Variants in CDKN2AIP observed in about 807,000 individuals in gnomAD.
The protein encoded by CDKN2AIP is CDKN2A-interacting protein.
Under a neutral mutation model 44.1 loss-of-function variants are expected in CDKN2AIP, and 12 were observed. That is an observed-to-expected ratio of 0.27 (90% CI 0.17 to 0.44). The LOEUF (loss-of-function observed/expected upper bound fraction) is 0.44, where lower values mean the gene tolerates loss of function less well. CDKN2AIP is among the 20% of genes least tolerant of loss of function. The probability of loss-of-function intolerance (pLI) is 1.00; values close to 1 mark genes in which losing one functional copy is unlikely to be tolerated. For missense variants in CDKN2AIP, 705 were observed against 681.6 expected, an observed-to-expected ratio of 1.03 and a Z score of -0.38; for synonymous variants, 291 against 272.1, an observed-to-expected ratio of 1.07 and a Z score of -0.68.
At position 183,445,584 on chromosome 4, in the gene CDKN2AIP, A is replaced by G; in HGVS notation, c.322A>G (p.Lys108Glu). 1 of 1,608,314 alleles carries G rather than the reference A, an allele frequency of 6.2e-7. No homozygotes were observed. The highest frequency in any genetic ancestry group is 8.5e-7 in the Non-Finnish European group (1 of 1,174,688). Residue 108 changes from lysine (K) to glutamate (E), a missense_variant, in exon 2 of 3, where the codon AAA (lysine) becomes GAA (glutamate). Physicochemically the swap from Lys to Glu is moderately conservative, Grantham distance 56. This residue lies in a region of CDKN2AIP where 592 missense variants were observed against 518.0 expected (regional missense o/e 1.14). Transcript: ENST00000504169. ...DKILSMAEGI[K>E]VTDAPTYTTR... ...AATACTTAGTATGGCTGAAGGCATC[A>G]AAGTGACAGATGCTCCAACCTATAC...
chr4:183,445,420 G>A, intron 1 of CDKN2AIP, 115 bp from the exon 2 acceptor site: 6 of 816,590 alleles, frequency 7.3e-6, no homozygotes, highest in South Asian at 1.7e-5. Context: ...AGTTCTTGGC[G>A]GTTGGTTCAC....
In CDKN2AIP at chr4:183,446,446, T is replaced by C; in HGVS notation, c.762T>C (p.Ser254=). 2.5e-6 allele frequency: 4 copies of C among 1,613,920 alleles called. No individual in the cohort carries two copies. In the East Asian group the frequency reaches 8.9e-5, roughly 36 times the overall value. Residue 254 remains serine (S), a synonymous_variant, in exon 3 of 3, where the codon AGT becomes AGC. Transcript: ENST00000504169. ...FVSLLKSSVN[S]HMTQSTDSRQ... is the part of the protein sequence containing the mutation. ...CCTTGCTGAAATCCAGTGTGAATAG[T>C]CACATGACCCAATCCACTGATTCTA...
chr4:183,446,664 C>G lies in CDKN2AIP; in HGVS notation c.980C>G (p.Ala327Gly). 1 of 1,614,104 alleles carries G rather than the reference C, an allele frequency of 6.2e-7. No homozygotes were observed. Among genetic ancestry groups the G allele is most frequent in the Non-Finnish European group, 8.5e-7 (1 of 1,179,918 alleles). ...TTAACTTCCAAAACTAGTTCAGAGG[C>G]AAGTGTTTCATCATCAGTTGCTAAA... The part of the protein sequence containing the change: ...SGLTSKTSSE[A>G]SVSSSVAKNS... The change falls in exon 3 of 3, where the codon GCA (alanine) becomes GGA (glycine). Residue 327 changes from alanine to glycine, a missense_variant. This residue lies in a region of CDKN2AIP where 592 missense variants were observed against 518.0 expected (regional missense o/e 1.14). Coordinates refer to ENST00000504169, the MANE Select transcript of CDKN2AIP (RefSeq NM_017632.4).
rs776091820 is a variant in CDKN2AIP at position 183,445,609 on chromosome 4, C to T, written c.347C>T (p.Thr116Ile). Residue 116 changes from threonine (T) to isoleucine (I), a missense_variant, in exon 2 of 3, where the codon ACA becomes ATA. Physicochemically the swap from Thr to Ile is moderately conservative, Grantham distance 89 (BLOSUM62 -1). This residue lies in a region of CDKN2AIP where 592 missense variants were observed against 518.0 expected (regional missense o/e 1.14). Coordinates refer to ENST00000504169, the MANE Select transcript of CDKN2AIP (RefSeq NM_017632.4). ...GIKVTDAPTY[T>I]TRDELVAKVK... is the part of the protein sequence containing the mutation. Reference sequence around the variant, plus strand: ...AAAGTGACAGATGCTCCAACCTATACAACAAGAGATGAACTGGTTGCCAAG... The same window carrying T: ...AAAGTGACAGATGCTCCAACCTATATAACAAGAGATGAACTGGTTGCCAAG... The T allele has an allele frequency of 6.9e-5, 111 of 1,609,668 alleles. No individual in the cohort carries two copies. Among genetic ancestry groups the T allele is most frequent in the Non-Finnish European group, 9.1e-5 (107 of 1,175,942 alleles).
In CDKN2AIP at chr4:183,444,751, C is replaced by A; in HGVS notation, c.-47C>A. 1 of 1,474,584 alleles carries A rather than the reference C, an allele frequency of 6.8e-7. No homozygotes were observed. The highest frequency in any genetic ancestry group is 9.0e-7 in the Non-Finnish European group (1 of 1,106,006). 91.3% of individuals were successfully genotyped at this position (1,474,584 alleles called of 1,614,324 possible). A position where few individuals can be genotyped will look rare whatever the true frequency, so the allele number is the denominator to read the frequency against. The stretch of plus-strand genomic sequence containing the variant: ...TGACAGGGCCGCTCGCCCCGCTAGT[C>A]CTGCCTGTCTCCCGGTGCAGCTGTG... On this transcript the variant is annotated 5_prime_UTR_variant, in exon 1 of 3. Transcript: ENST00000504169.
Position 183,446,077 on chromosome 4 carries a change from C to T in CDKN2AIP, c.404-11C>T, listed in dbSNP as rs1270962123. ...TTCTTAGTCACATATCTATGTTTTTCTTCTTTTTAGAAGGGGTAGAAGAGC... is the reference window on the plus strand; with the variant it reads ...TTCTTAGTCACATATCTATGTTTTTTTTCTTTTTAGAAGGGGTAGAAGAGC... On this transcript the variant is annotated splice_polypyrimidine_tract_variant and intron_variant, in intron 2 of 2. Coordinates refer to ENST00000504169, the MANE Select transcript of CDKN2AIP (RefSeq NM_017632.4). 5.1e-6 allele frequency: 8 copies of T among 1,574,746 alleles called. No individual in the cohort carries two copies. The highest frequency in any genetic ancestry group is 1.2e-5 in the South Asian group (1 of 84,992).
Position 183,447,499 on chromosome 4 carries a change from C to A in CDKN2AIP, c.*72C>A. 1 of 1,062,500 alleles carries A rather than the reference C, an allele frequency of 9.4e-7. No individual in the cohort carries two copies. Among genetic ancestry groups the A allele is most frequent in the Non-Finnish European group, 1.3e-6 (1 of 746,480 alleles). The allele number at this position is 1,062,500 out of a possible 1,614,324, so 65.8% of individuals were successfully genotyped here. A position where few individuals can be genotyped will look rare whatever the true frequency, so the allele number is the denominator to read the frequency against. ...AAACTGACTTTTGTATAGTATAAAA[C>A]ACAGGCTTTCACAAATTTTGTATTG... On this transcript the variant is annotated 3_prime_UTR_variant, in exon 3 of 3. Transcript: ENST00000504169.
At position 183,446,375 on chromosome 4, in the gene CDKN2AIP, T is replaced by G. The variant is rs375534313; in HGVS notation, c.691T>G (p.Ser231Ala). The change falls in exon 3 of 3, where the codon TCT (serine) becomes GCT (alanine). Residue 231 changes from serine to alanine, a missense_variant. This residue lies in a region of CDKN2AIP where 592 missense variants were observed against 518.0 expected (regional missense o/e 1.14). Transcript: ENST00000504169. ...QVTTAGSGKA[S>A]EAEAPDKHGS... ...AACAACGGCAGGATCTGGGAAAGCT[T>G]CTGAAGCAGAAGCTCCAGATAAACA... The G allele has an allele frequency of 3.7e-6, 6 of 1,610,778 alleles. No homozygotes were observed. The highest frequency in any genetic ancestry group is 1.1e-5 in the South Asian group (1 of 90,916).
chr4:183,445,036 T>C lies in CDKN2AIP; in HGVS notation c.239T>C (p.Met80Thr). 6.3e-7 allele frequency: 1 copy of C among 1,596,594 alleles called. No individual in the cohort carries two copies. The highest frequency in any genetic ancestry group is 8.6e-7 in the Non-Finnish European group (1 of 1,166,922). ...RQLQQLISFSMAWANHVFLGC... is the reference protein window; with the variant it reads ...RQLQQLISFSTAWANHVFLGC... Reference sequence around the variant, plus strand: ...CTGCAGCAGCTCATCTCCTTTTCCATGGCCTGGGCGAACCACGTCTTCCTC... The same window carrying C: ...CTGCAGCAGCTCATCTCCTTTTCCACGGCCTGGGCGAACCACGTCTTCCTC... The change falls in exon 1 of 3, where the codon ATG (methionine) becomes ACG (threonine). Residue 80 changes from methionine to threonine, a missense_variant. Physicochemically the swap from Met to Thr is moderately conservative, Grantham distance 81. Around this residue, in one of 2 missense-constraint regions of CDKN2AIP, gnomAD observed 592 missense variants for 518.0 expected, o/e 1.14. Transcript: ENST00000504169.
Position 183,445,548 on chromosome 4 carries a change from G to C in CDKN2AIP, c.286G>C (p.Val96Leu). Reference sequence around the variant, plus strand: ...CTTCTTTTTCAGATACCCTCAAAAAGTTATGGATAAAATACTTAGTATGGC... The same window carrying C: ...CTTCTTTTTCAGATACCCTCAAAAACTTATGGATAAAATACTTAGTATGGC... ...VFLGCRYPQK[V>L]MDKILSMAEG... The change falls in exon 2 of 3, where the codon GTT (valine) becomes CTT (leucine). Residue 96 changes from valine to leucine, a missense_variant. Physicochemically the swap from Val to Leu is conservative, Grantham distance 32. Transcript: ENST00000504169. The C allele has an allele frequency of 6.2e-7, 1 of 1,611,158 alleles. No individual in the cohort carries two copies. The highest frequency in any genetic ancestry group is 8.5e-7 in the Non-Finnish European group (1 of 1,177,674).
Position 183,444,880 on chromosome 4 carries a change from C to T in CDKN2AIP, c.83C>T (p.Thr28Ile). 6.2e-7 allele frequency: 1 copy of T among 1,602,038 alleles called. No homozygotes were observed. The highest frequency in any genetic ancestry group is 8.5e-7 in the Non-Finnish European group (1 of 1,174,634). Residue 28 changes from threonine (T) to isoleucine (I), a missense_variant, in exon 1 of 3, where the codon ACT becomes ATT. By Grantham distance (89) the Thr-to-Ile change is moderately conservative (BLOSUM62 -1). Transcript: ENST00000504169. ...GAGGCGCTGCGCTGCGACGGCGAGACTGACAAACACTGGCGCCACCGCCGG... is the reference window on the plus strand; with the variant it reads ...GAGGCGCTGCGCTGCGACGGCGAGATTGACAAACACTGGCGCCACCGCCGG... ...WVEALRCDGE[T>I]DKHWRHRRDF...
At position 183,448,153 on chromosome 4, in the gene CDKN2AIP, T is replaced by C. The variant is rs1279135503; in HGVS notation, c.*726T>C. The C allele has an allele frequency of 1.3e-5, 2 of 152,228 alleles. No homozygotes were observed. The highest frequency in any genetic ancestry group is 2.9e-5 in the Non-Finnish European group (2 of 68,020). The allele number at this position is 152,228 out of a possible 1,614,324, so 9.4% of individuals were successfully genotyped here. A position where few individuals can be genotyped will look rare whatever the true frequency, so the allele number is the denominator to read the frequency against. On this transcript the variant is annotated 3_prime_UTR_variant, in exon 3 of 3. Coordinates refer to ENST00000504169, the MANE Select transcript of CDKN2AIP (RefSeq NM_017632.4). ...TTTGTGACTACTATTAACAGATTGA[T>C]TTGTTTAGATATTAAATGCTTTAAG...
Position 183,446,260 on chromosome 4 carries a change from G to A in CDKN2AIP, c.576G>A (p.Arg192=), listed in dbSNP as rs953732365. ...AATCAGAGAGTGGGAACTCAGCTCGGAGCTCTGGCATCTCCAGTCAGAATA... is the reference window on the plus strand; with the variant it reads ...AATCAGAGAGTGGGAACTCAGCTCGAAGCTCTGGCATCTCCAGTCAGAATA... ...AIKSESGNSA[R]SSGISSQNSS... Residue 192 remains arginine, a synonymous_variant, in exon 3 of 3, where the codon CGG becomes CGA. Coordinates refer to ENST00000504169, the MANE Select transcript of CDKN2AIP (RefSeq NM_017632.4). 1.9e-6 allele frequency: 3 copies of A among 1,613,932 alleles called. No homozygotes were observed. Among genetic ancestry groups the A allele is most frequent in the African/African-American group, 1.3e-5 (1 of 74,920 alleles).
In CDKN2AIP at chr4:183,444,684, G is replaced by C. The variant is rs979296257; in HGVS notation, c.-114G>C. 9.2e-6 allele frequency: 10 copies of C among 1,088,602 alleles called. No individual in the cohort carries two copies. Among genetic ancestry groups the C allele is most frequent in the Non-Finnish European group, 1.3e-5 (10 of 790,248 alleles). The allele number at this position is 1,088,602 out of a possible 1,614,324, so 67.4% of individuals were successfully genotyped here. Reference sequence around the variant, plus strand: ...GCGCTGTTGTTTGGTCTTTAGGCCTGCGGAGGGGCGTTATCTGGAGGGCCG... The same window carrying C: ...GCGCTGTTGTTTGGTCTTTAGGCCTCCGGAGGGGCGTTATCTGGAGGGCCG... On this transcript the variant is annotated 5_prime_UTR_variant, in exon 1 of 3. Transcript: ENST00000504169.
In CDKN2AIP at chr4:183,447,740, T is replaced by A. The variant is rs1251168186; in HGVS notation, c.*313T>A. On this transcript the variant is annotated 3_prime_UTR_variant, in exon 3 of 3. Transcript: ENST00000504169. ...AGAGTCCTAAAATTTTTGTACTACT[T>A]TCAATTTGGTGAAAATGTATTAAGT... 1 of 188,096 alleles carries A rather than the reference T, an allele frequency of 5.3e-6. No homozygotes were observed. The highest frequency in any genetic ancestry group is 5.9e-5 in the Admixed American group (1 of 17,002). 11.7% of individuals were successfully genotyped at this position (188,096 alleles called of 1,614,324 possible).
rs1418218473 is a variant in CDKN2AIP, at chr4:183,446,125, A to G, written c.441A>G (p.Glu147=). The G allele has an allele frequency of 2.5e-6, 4 of 1,612,376 alleles. No individual in the cohort carries two copies. In the African/African-American group the frequency reaches 4.0e-5, roughly 16 times the overall value. Residue 147 remains glutamate, a synonymous_variant, in exon 3 of 3, where the codon GAA becomes GAG. Coordinates refer to ENST00000504169, the MANE Select transcript of CDKN2AIP (RefSeq NM_017632.4). ...AGCCATCCAAAAAACGAGTTATAGAAGGAAAAAACAGTTCTGCAGTTGAGC... is the reference window on the plus strand; with the variant it reads ...AGCCATCCAAAAAACGAGTTATAGAGGGAAAAAACAGTTCTGCAGTTGAGC... The part of the protein sequence containing the change: ...VEEPSKKRVI[E]GKNSSAVEQD...
At position 183,447,792 on chromosome 4, in the gene CDKN2AIP, G is replaced by T. The variant is rs1385260657; in HGVS notation, c.*365G>T. ...GTCTACCATGTTTTCTTTTCTAGCT[G>T]AATAAACCACATCAAAGGAAAGGGA... On this transcript the variant is annotated 3_prime_UTR_variant, in exon 3 of 3. Coordinates refer to ENST00000504169, the MANE Select transcript of CDKN2AIP (RefSeq NM_017632.4). 6.3e-6 allele frequency: 1 copy of T among 159,262 alleles called. No individual in the cohort carries two copies. Among genetic ancestry groups the T allele is most frequent in the African/African-American group, 2.4e-5 (1 of 41,646 alleles). The allele number at this position is 159,262 out of a possible 1,614,324, so 9.9% of individuals were successfully genotyped here. A position where few individuals can be genotyped will look rare whatever the true frequency, so the allele number is the denominator to read the frequency against.
rs1247300911 is a variant in CDKN2AIP, at chr4:183,444,721, C to G, written c.-77C>G. On this transcript the variant is annotated 5_prime_UTR_variant, in exon 1 of 3. Coordinates refer to ENST00000504169, the MANE Select transcript of CDKN2AIP (RefSeq NM_017632.4). ...TATCTGGAGGGCCGCGGGTGCAGGCCGCAGTGACAGGGCCGCTCGCCCCGC... is the reference window on the plus strand; with the variant it reads ...TATCTGGAGGGCCGCGGGTGCAGGCGGCAGTGACAGGGCCGCTCGCCCCGC... 1 of 1,400,414 alleles carries G rather than the reference C, an allele frequency of 7.1e-7. No homozygotes were observed. Among genetic ancestry groups the G allele is most frequent in the East Asian group, 2.6e-5 (1 of 38,428 alleles). The allele number at this position is 1,400,414 out of a possible 1,614,324, so 86.7% of individuals were successfully genotyped here. A position where few individuals can be genotyped will look rare whatever the true frequency, so the allele number is the denominator to read the frequency against.
Position 183,447,920 on chromosome 4 carries a change from C to T in CDKN2AIP, c.*493C>T, listed in dbSNP as rs1163275289. On this transcript the variant is annotated 3_prime_UTR_variant, in exon 3 of 3. Coordinates refer to ENST00000504169, the MANE Select transcript of CDKN2AIP (RefSeq NM_017632.4). ...TAAAAAATAAAAGAAAAAATAGTTG[C>T]TTCAAACTATTTTTATGAGAAGTTG... 6.6e-6 allele frequency: 1 copy of T among 152,238 alleles called. No individual in the cohort carries two copies. Among genetic ancestry groups the T allele is most frequent in the Non-Finnish European group, 1.5e-5 (1 of 68,026 alleles). The allele number at this position is 152,238 out of a possible 1,614,324, so 9.4% of individuals were successfully genotyped here.
Sources: gnomAD v4.1 joint callset for allele counts on GRCh38, gnomAD v4.1.1 for gene constraint, gnomAD v4.1.1 regional missense constraint, MANE v1.5 for transcripts, NCBI Gene and HGNC (gene_info 2026-07-23, HGNC 2026-07-21) for gene names.